ISM1: variants seen among roughly 807,000 people sequenced by gnomAD.
The protein encoded by ISM1 is isthmin 1.
ISM1 carries 25 observed loss-of-function variants against 46.3 expected under a neutral mutation model. The ratio of observed to expected loss-of-function variants is 0.54; its 90% CI spans 0.39 to 0.75. The LOEUF (loss-of-function observed/expected upper bound fraction) is 0.75. Ranked by LOEUF, ISM1 falls within the 30% of genes least tolerant of loss-of-function variation. ISM1 has a pLI of 0.00. For synonymous variants in ISM1, 255 were observed against 256.7 expected (o/e 0.99, Z 0.06); for missense variants, 536 against 625.4 (o/e 0.86, Z 1.52).
At chr20:13,274,406 T>A (rs966813694) in intron 2 of ISM1, among the ~76,000 whole-genome samples, 2 of 152,150 alleles carry the variant, frequency 1.3e-5, no homozygotes, top group East Asian at 3.9e-4. Context: ...GGCCCTTCAG[T>A]AGGTCAGCTT....
intron 1 of ISM1, among the ~76,000 whole-genome samples, chr20:13,261,300 C>A (rs2039986474): frequency 6.6e-6 from 1 of 151,914 alleles, no homozygotes; most frequent in South Asian, 2.1e-4. Context: ...CACCTGTAAT[C>A]CCAGCTACTC....
chr20:13,269,397 C>G lies in ISM1; in HGVS notation c.139-1107C>G, dbSNP rs1169341072. Among the ~76,000 whole-genome samples, 7 of 152,224 alleles carry G rather than the reference C, an allele frequency of 4.6e-5. 1 individual carries two copies. The highest frequency in any genetic ancestry group is 4.6e-4 in the Admixed American group (7 of 15,280). The stretch of plus-strand genomic sequence containing the variant: ...TGACATTTTTCACAGCTGGGAAAAA[C>G]AGTGGGCTTGCACTTTTCAGTATAA... On this transcript the variant is annotated intron_variant, in intron 1 of 5. Transcript: ENST00000262487.
At chr20:13,293,590 G>T (rs575055461) in intron 5 of ISM1, among the ~76,000 whole-genome samples, 1 of 152,126 alleles carries the variant, frequency 6.6e-6, no homozygotes, top group Non-Finnish European at 1.5e-5. Flanking sequence ...AGGTAATGGG[G>T]TCAGGTAAGC....
At chr20:13,310,488 A>G in the ISM1 span, among the ~76,000 whole-genome samples, 1 of 152,154 alleles carries the variant, frequency 6.6e-6, no homozygotes, top group Non-Finnish European at 1.5e-5. Context: ...GGAAACAGGA[A>G]AAAAAATGTA....
At chr20:13,252,460 C>T (rs1242911856) in intron 1 of ISM1, among the ~76,000 whole-genome samples, 9 of 152,038 alleles carry the variant, frequency 5.9e-5, no homozygotes, top group South Asian at 2.1e-4. Flanking sequence ...TATAAAGGGG[C>T]GCCATCTTGG....
the ISM1 span, among the ~76,000 whole-genome samples, chr20:13,321,253 T>TAAAAAAAAAAAAAAAAAAAAAAAAAA: frequency 1.0e-4 from 6 of 57,522 alleles, no homozygotes; most frequent in African/African-American, 1.5e-4. Context: ...GTGCCCCACA[T>TAAAAAAAAAAAAAAAAAAAAAAAAAA]AAAAAAAAAA....
the ISM1 span, among the ~76,000 whole-genome samples, chr20:13,309,747 A>G: frequency 2.6e-5 from 4 of 152,208 alleles, no homozygotes; most frequent in Non-Finnish European, 5.9e-5. Context: ...AATTCAGTAA[A>G]GTCATAGGAT....
chr20:13,311,175 CA>C, the ISM1 span, among the ~76,000 whole-genome samples: 1 of 149,866 alleles, frequency 6.7e-6, no homozygotes, highest in East Asian at 1.9e-4. Flanking sequence ...GCCTGGGCAA[CA>C]AGAGTGAAAC....
chr20:13,292,226 T>A, intron 4 of ISM1, 148 bp from the exon 5 acceptor site: 1 of 611,228 alleles, frequency 1.6e-6, no homozygotes, highest in Admixed American at 3.1e-5. Flanking sequence ...TGCTTTTTAC[T>A]GTTTCCTCTG....
At chr20:13,229,537 GTAA>G (rs2039565254) in intron 1 of ISM1, among the ~76,000 whole-genome samples, 1 of 152,194 alleles carries the variant, frequency 6.6e-6, no homozygotes, top group Non-Finnish European at 1.5e-5. Context: ...AGTCCACTGT[GTAA>G]CTCTATCACA....
At chr20:13,313,564 T>G in the ISM1 span, among the ~76,000 whole-genome samples, 1 of 152,198 alleles carries the variant, frequency 6.6e-6, no homozygotes, top group Non-Finnish European at 1.5e-5. Context: ...CTGAGCCTAT[T>G]CGGGCTCGGG....
At chr20:13,240,530 T>C (rs998399806) in intron 1 of ISM1, among the ~76,000 whole-genome samples, 6 of 152,074 alleles carry the variant, frequency 3.9e-5, no homozygotes, top group African/African-American at 1.4e-4. Context: ...GAAAAGAGAC[T>C]GGAGAACAGT....
chr20:13,223,188 A>AAAATAAAAT (rs371091090), intron 1 of ISM1, among the ~76,000 whole-genome samples: 191 of 147,272 alleles, frequency 1.3e-3, no homozygotes, highest in African/African-American at 4.4e-3. Context: ...AAAATAAAAT[A>AAAATAAAAT]AAATAAATAA....
the ISM1 span, among the ~76,000 whole-genome samples, chr20:13,323,973 T>G: frequency 6.6e-6 from 1 of 152,202 alleles, no homozygotes; most frequent in Non-Finnish European, 1.5e-5. Context: ...GTTAGCTGCT[T>G]TTAGGGTGTG....
chr20:13,250,554 G>C (rs2039857946), intron 1 of ISM1, among the ~76,000 whole-genome samples: 1 of 152,140 alleles, frequency 6.6e-6, no homozygotes, highest in Non-Finnish European at 1.5e-5. Flanking sequence ...GAATCGCCTG[G>C]GGATCTTTTT....
At chr20:13,313,438 G>A in the ISM1 span, among the ~76,000 whole-genome samples, 15 of 152,152 alleles carry the variant, frequency 9.9e-5, no homozygotes, top group South Asian at 2.1e-4. Flanking sequence ...GTTCAAATAA[G>A]GTAAACACGG....
chr20:13,283,771 G>A (rs6041990), intron 3 of ISM1, among the ~76,000 whole-genome samples: 33,960 of 152,092 alleles, frequency 0.22, 3,839 homozygotes, highest in African/African-American at 0.26. Context: ...AAATTACATA[G>A]GTACTGCTTA....
intron 5 of ISM1, 113 bp downstream of exon 5, chr20:13,292,576 G>T: frequency 1.4e-6 from 1 of 690,504 alleles, no homozygotes; most frequent in Non-Finnish European, 2.5e-6. Context: ...CCTTTTCTGG[G>T]GTCCAGTGCT....
intron 2 of ISM1, among the ~76,000 whole-genome samples, chr20:13,274,538 C>T (rs368376947): frequency 2.6e-5 from 4 of 152,160 alleles, no homozygotes; most frequent in South Asian, 2.1e-4. Context: ...CCTTCCCCTC[C>T]GCACCTCCCC....
Sources: gnomAD v4.1 joint callset for allele counts (sites outside exome capture counted in the v4.1 genomes callset) on GRCh38, gnomAD v4.1.1 for gene constraint, MANE v1.5 for transcripts, NCBI Gene and HGNC (gene_info 2026-07-23, HGNC 2026-07-21) for gene names.